CISD1: variants seen among roughly 807,000 people sequenced by gnomAD.
CISD1 encodes CDGSH iron-sulfur domain-containing protein 1.
Under a neutral mutation model 12.0 loss-of-function variants are expected in CISD1, and 8 were observed. The observed-to-expected ratio is 0.67, with a 90% CI of 0.39 to 1.20. The LOEUF (loss-of-function observed/expected upper bound fraction) is 1.20, where lower values mean the gene tolerates loss of function less well. Among genes scored for constraint, CISD1 ranks in the 50% most tolerant of loss-of-function variants. The probability of loss-of-function intolerance (pLI) is 0.01; values close to 1 mark genes in which losing one functional copy is unlikely to be tolerated. For missense variants in CISD1, 107 were observed against 132.7 expected, an observed-to-expected ratio of 0.81 and a Z score of 0.95; for synonymous variants, 38 against 42.2, an observed-to-expected ratio of 0.90 and a Z score of 0.39.
chr10:58,278,136 C>T (rs7073539), intron 2 of CISD1, among the ~76,000 whole-genome samples: 7,520 of 152,244 alleles, frequency 0.049, 445 homozygotes, highest in East Asian at 0.31. Context: ...TGATAAAATA[C>T]TGTCTCGAGC....
chr10:58,269,857 C>T (rs2132274819), intron 1 of CISD1, among the ~76,000 whole-genome samples: 1 of 152,230 alleles, frequency 6.6e-6, no homozygotes, highest in Non-Finnish European at 1.5e-5. Flanking sequence ...TGGCAGTAGT[C>T]CAGGATAAAG....
chr10:58,269,403 C>T (rs1416763), intron 1 of CISD1, 99 bp downstream of exon 1: 279,189 of 1,118,542 alleles, frequency 0.25, 41,176 homozygotes, highest in African/African-American at 0.61. Context: ...ACGCGCCCGC[C>T]GGTCCTATAA....
chr10:58,277,018 G>T, intron 1 of CISD1, 99 bp from the exon 2 acceptor site: 5 of 766,612 alleles, frequency 6.5e-6, no homozygotes. Context: ...GGACTATTAG[G>T]ATGCTTAATA....
chr10:58,279,674 C>G (rs913419018), intron 2 of CISD1, among the ~76,000 whole-genome samples: 6 of 152,124 alleles, frequency 3.9e-5, no homozygotes, highest in Non-Finnish European at 7.4e-5. Context: ...TGTGGAATTT[C>G]TAAGTTGGAG....
chr10:58,277,313 G>A lies in CISD1; in HGVS notation c.228G>A (p.Arg76=), dbSNP rs1205919825. The change falls in exon 2 of 3, where the codon AGG becomes AGA. Residue 76 remains arginine (R), a synonymous_variant. Coordinates refer to ENST00000333926, the MANE Select transcript of CISD1 (RefSeq NM_018464.5). The part of the protein sequence containing the change: ...GDKAVYCRCW[R]SKKFPFCDGA... The stretch of plus-strand genomic sequence containing the variant: ...AAGCTGTGTACTGCCGTTGTTGGAG[G>A]TCCAAAAAGGTGAGGAAAGCAATTC... 1 of 1,574,180 alleles carries A rather than the reference G, an allele frequency of 6.4e-7. No individual in the cohort carries two copies. Among genetic ancestry groups the A allele is most frequent in the East Asian group, 2.3e-5 (1 of 43,326 alleles).
intron 1 of CISD1, among the ~76,000 whole-genome samples, chr10:58,273,643 G>T (rs1388288481): frequency 6.6e-6 from 1 of 152,090 alleles, no homozygotes; most frequent in Non-Finnish European, 1.5e-5. Flanking sequence ...GAAAACCAAA[G>T]ATTATACAAT....
At chr10:58,271,417 T>C (rs957254469) in intron 1 of CISD1, among the ~76,000 whole-genome samples, 2 of 152,206 alleles carry the variant, frequency 1.3e-5, no homozygotes, top group East Asian at 1.9e-4. Flanking sequence ...TTTGTAAATC[T>C]CTTCTACCAA....
In CISD1 at chr10:58,288,452, A is replaced by G. The variant is rs1412208748; in HGVS notation, c.*802A>G. On this transcript the variant is annotated 3_prime_UTR_variant, in exon 3 of 3. Coordinates refer to ENST00000333926, the MANE Select transcript of CISD1 (RefSeq NM_018464.5). Reference sequence around the variant, plus strand: ...TGAAGGAATTGGAACATATAATGTCAAGTCTTTTGATCACTAAGCCACATA... The same window carrying G: ...TGAAGGAATTGGAACATATAATGTCGAGTCTTTTGATCACTAAGCCACATA... 1 of 152,314 alleles carries G rather than the reference A, an allele frequency of 6.6e-6. No homozygotes were observed. Among genetic ancestry groups the G allele is most frequent in the Non-Finnish European group, 1.5e-5 (1 of 68,000 alleles). The allele number at this position is 152,314 out of a possible 1,614,324, so 9.4% of individuals were successfully genotyped here. A position where few individuals can be genotyped will look rare whatever the true frequency, so the allele number is the denominator to read the frequency against.
chr10:58,270,442 G>C (rs1007466365), intron 1 of CISD1, among the ~76,000 whole-genome samples: 1 of 152,018 alleles, frequency 6.6e-6, no homozygotes, highest in Admixed American at 6.6e-5. Context: ...TTTTGTTTTT[G>C]TTTTTTAAAA....
intron 1 of CISD1, among the ~76,000 whole-genome samples, chr10:58,275,319 G>C (rs185430745): frequency 6.6e-6 from 1 of 152,310 alleles, no homozygotes; most frequent in East Asian, 1.9e-4. Context: ...GTTTTCTCAA[G>C]AAAGTTCCAT....
At chr10:58,274,121 A>AG (rs1169985560) in intron 1 of CISD1, among the ~76,000 whole-genome samples, 3 of 151,986 alleles carry the variant, frequency 2.0e-5, no homozygotes, top group African/African-American at 7.3e-5. Flanking sequence ...CAACAGAGCA[A>AG]GACTCCATCT....
intron 1 of CISD1, among the ~76,000 whole-genome samples, chr10:58,274,932 T>C (rs1839295906): frequency 6.6e-6 from 1 of 152,220 alleles, no homozygotes; most frequent in African/African-American, 2.4e-5. Context: ...ATGAGTTTCA[T>C]GTAGAAATTC....
At chr10:58,271,165 A>G (rs1361376458) in intron 1 of CISD1, among the ~76,000 whole-genome samples, 5 of 148,184 alleles carry the variant, frequency 3.4e-5, no homozygotes, top group Non-Finnish European at 7.4e-5. Flanking sequence ...TCAGCCTCCC[A>G]AGTAGCTGGG....
At chr10:58,281,952 G>T (rs542593254) in intron 2 of CISD1, among the ~76,000 whole-genome samples, 1 of 151,406 alleles carries the variant, frequency 6.6e-6, no homozygotes, top group East Asian at 2.0e-4. Flanking sequence ...TTCAGAAATT[G>T]GCTTGGCTTT....
At chr10:58,273,423 A>G (rs180849175) in intron 1 of CISD1, 15 of 152,192 alleles carry the variant, frequency 9.9e-5, no homozygotes, top group Admixed American at 6.5e-5. Flanking sequence ...GAGAAACATT[A>G]TGATTCTATG....
In CISD1 at chr10:58,270,107, C is replaced by T. The variant is rs116011175; in HGVS notation, c.31+803C>T. ...ATGTGATCTTTGCCCCTCTATAAAA[C>T]GCCACTTCGCAAGGTTTTGAGTAAA... On this transcript the variant is annotated intron_variant, in intron 1 of 2. Coordinates refer to ENST00000333926, the MANE Select transcript of CISD1 (RefSeq NM_018464.5). 6.0e-3 allele frequency among the ~76,000 whole-genome samples: 909 copies of T among 152,262 alleles called. 9 individuals carry two copies. Among genetic ancestry groups the T allele is most frequent in the African/African-American group, 0.021 (862 of 41,542 alleles).
At chr10:58,272,906 G>A (rs1217485452) in intron 1 of CISD1, among the ~76,000 whole-genome samples, 2 of 152,108 alleles carry the variant, frequency 1.3e-5, no homozygotes, top group Non-Finnish European at 2.9e-5. Flanking sequence ...GCAACAGTGC[G>A]AGACTCCATC....
At position 58,273,067 on chromosome 10, in the gene CISD1, T is replaced by C. The variant is rs150731449; in HGVS notation, c.31+3763T>C. 8.1e-4 allele frequency among the ~76,000 whole-genome samples: 124 copies of C among 152,318 alleles called. 1 individual carries two copies. The East Asian group carries it at 0.01, about 12-fold the overall frequency. On this transcript the variant is annotated intron_variant, in intron 1 of 2. Coordinates refer to ENST00000333926, the MANE Select transcript of CISD1 (RefSeq NM_018464.5). The stretch of plus-strand genomic sequence containing the variant: ...TAATAAAGTTTTTTTAAAACATAGC[T>C]TCTTATATATACCTGAAGTTTTTTG...
At chr10:58,276,404 G>A (rs1472622197) in intron 1 of CISD1, among the ~76,000 whole-genome samples, 1 of 151,684 alleles carries the variant, frequency 6.6e-6, no homozygotes, top group Non-Finnish European at 1.5e-5. Flanking sequence ...ATATAATCAT[G>A]TTTTCTACAA....
Sources: gnomAD v4.1 joint callset for allele counts (sites outside exome capture counted in the v4.1 genomes callset) on GRCh38, gnomAD v4.1.1 for gene constraint, MANE v1.5 for transcripts, NCBI Gene and HGNC (gene_info 2026-07-23, HGNC 2026-07-21) for gene names.